SH3BP5: variants seen among roughly 807,000 people sequenced by gnomAD.
SH3BP5 encodes SH3 domain-binding protein 5.
Under a neutral mutation model 43.3 loss-of-function variants are expected in SH3BP5, and 22 were observed. The observed-to-expected ratio is 0.51, with a 90% CI of 0.36 to 0.73. The LOEUF is 0.73. Among genes scored for constraint, SH3BP5 ranks in the 30% least tolerant of loss-of-function variants. SH3BP5 has a pLI of 0.00. For synonymous variants in SH3BP5, 255 were observed against 225.8 expected (o/e 1.13, Z -1.16); for missense variants, 529 against 586.9 (o/e 0.90, Z 1.02).
At chr3:15,296,741 T>TAA (rs1410294270) in intron 3 of SH3BP5, among the ~76,000 whole-genome samples, 2 of 135,806 alleles carry the variant, frequency 1.5e-5, no homozygotes, top group Non-Finnish European at 3.0e-5. Flanking sequence ...TCACCCAGAC[T>TAA]AGAGCGCAGT....
At chr3:15,286,718 T>G (rs2125087955) in intron 3 of SH3BP5, among the ~76,000 whole-genome samples, 1 of 152,212 alleles carries the variant, frequency 6.6e-6, no homozygotes, top group African/African-American at 2.4e-5. Context: ...CATGCCCAGT[T>G]AATTTTTTGT....
upstream of SH3BP5, among the ~76,000 whole-genome samples, chr3:15,337,107 T>G (rs11711512): frequency 1.0e-4 from 15 of 149,134 alleles, no homozygotes; most frequent in South Asian, 4.3e-4. Context: ...TTTTTTTTTT[T>G]GGGACAGAGT....
intron 3 of SH3BP5, among the ~76,000 whole-genome samples, chr3:15,272,823 C>T (rs999722216): frequency 2.0e-5 from 3 of 152,158 alleles, no homozygotes; most frequent in Admixed American, 6.6e-5. Flanking sequence ...AGGGACCTGC[C>T]CCTGCTGTGG....
rs140946172 is a variant in SH3BP5, at chr3:15,269,784, G to A, written c.424C>T (p.Arg142Trp). The stretch of plus-strand genomic sequence containing the variant: ...TGCCGCTTGTCATCCTCCAGCAGCC[G>A]CTGCTCGGCCAGGGAGATGGTCTCC... ...AKETISLAEQ[R>W]LLEDDKRQFD... Residue 142 changes from arginine (R) to tryptophan (W), a missense_variant, in exon 4 of 9, where the codon CGG becomes TGG. Coordinates refer to ENST00000383791, the MANE Select transcript of SH3BP5 (RefSeq NM_004844.5). The A allele has an allele frequency of 3.7e-6, 6 of 1,611,826 alleles. No individual in the cohort carries two copies. The highest frequency in any genetic ancestry group is 2.7e-5 in the African/African-American group (2 of 74,852).
intron 3 of SH3BP5, among the ~76,000 whole-genome samples, chr3:15,278,987 T>C (rs1274334004): frequency 1.3e-5 from 2 of 152,104 alleles, no homozygotes; most frequent in Admixed American, 6.5e-5. Flanking sequence ...TTGGCCAACA[T>C]GGCGAAACCC....
chr3:15,287,168 AG>A (rs1697288651), intron 3 of SH3BP5, among the ~76,000 whole-genome samples: 1 of 152,272 alleles, frequency 6.6e-6, no homozygotes, highest in African/African-American at 2.4e-5. Flanking sequence ...TGCAGAGAAA[AG>A]GCACGCAGTA....
chr3:15,265,559 C>CACACACACACACACACACACACAA (rs1285577992), intron 4 of SH3BP5, among the ~76,000 whole-genome samples: 1 of 142,820 alleles, frequency 7.0e-6, no homozygotes, highest in South Asian at 2.3e-4. Context: ...CACACACACA[C>CACACACACACACACACACACACAA]AACCCTCCAG....
At chr3:15,288,436 G>T (rs1381818623) in intron 3 of SH3BP5, among the ~76,000 whole-genome samples, 1 of 152,224 alleles carries the variant, frequency 6.6e-6, no homozygotes, top group South Asian at 2.1e-4. Flanking sequence ...GAGGGATGGA[G>T]GTTTCAGGAG....
rs529051444 is a variant in SH3BP5, at chr3:15,268,070, A to T, written c.495+1643T>A. On this transcript the variant is annotated intron_variant, in intron 4 of 8. Transcript: ENST00000383791. Reference sequence around the variant, plus strand: ...CCTTCCATTTTTCTCGAGATGACCCAGAAAAGTTGTTTCTAGCCCACGTCT... The same window carrying T: ...CCTTCCATTTTTCTCGAGATGACCCTGAAAAGTTGTTTCTAGCCCACGTCT... Among the ~76,000 whole-genome samples the T allele has an allele frequency of 4.6e-5, 7 of 152,296 alleles. No individual in the cohort carries two copies. The South Asian group carries it at 1.5e-3, about 32-fold the overall frequency.
chr3:15,327,286 G>C (rs775553198), intron 2 of SH3BP5, among the ~76,000 whole-genome samples: 2 of 152,234 alleles, frequency 1.3e-5, no homozygotes, highest in Non-Finnish European at 1.5e-5. Flanking sequence ...TGTAATCCCA[G>C]CTACTCGGGA....
chr3:15,339,990 G>A (rs559564444), intron 1 of SH3BP5: 1 of 152,294 alleles, frequency 6.6e-6, no homozygotes, highest in Admixed American at 6.5e-5. Flanking sequence ...ATTCTAGAAT[G>A]GGATTTTAAG....
At chr3:15,286,600 T>TGCAGTG (rs1458215655) in intron 3 of SH3BP5, among the ~76,000 whole-genome samples, 6 of 152,224 alleles carry the variant, frequency 3.9e-5, no homozygotes, top group Non-Finnish European at 5.9e-5. Context: ...CAGGCTACAG[T>TGCAGTG]GCAGTGGCAG....
upstream of SH3BP5, chr3:15,332,632 C>A (rs924771079): frequency 3.4e-6 from 4 of 1,170,844 alleles, no homozygotes; most frequent in African/African-American, 4.8e-5. Flanking sequence ...GTCAGCGCAG[C>A]GCCCGCTCCG....
intron 2 of SH3BP5, among the ~76,000 whole-genome samples, chr3:15,310,949 T>C (rs1559452952): frequency 6.6e-6 from 1 of 152,154 alleles, no homozygotes. Context: ...AGGTTGAACA[T>C]GAAGCACACA....
chr3:15,296,378 A>AG (rs1374733486), intron 3 of SH3BP5, among the ~76,000 whole-genome samples: 5 of 151,222 alleles, frequency 3.3e-5, no homozygotes, highest in Non-Finnish European at 5.9e-5. Context: ...ACCCCTATCC[A>AG]GGTCAGTAAC....
At chr3:15,299,483 A>ATT (rs60281447) in intron 3 of SH3BP5, among the ~76,000 whole-genome samples, 7,296 of 92,152 alleles carry the variant, frequency 0.079, 1,447 homozygotes, top group Non-Finnish European at 0.12. Flanking sequence ...CAACAATTAG[A>ATT]TTTTTTTTTT....
At chr3:15,341,229 G>C (rs1229502466) in exon 1 of SH3BP5, 1 of 152,296 alleles carries the variant, frequency 6.6e-6, no homozygotes, top group Non-Finnish European at 1.5e-5. Flanking sequence ...TCACCCTCTG[G>C]CACCACATGG....
At chr3:15,337,373 C>T (rs1026064562), upstream of SH3BP5, among the ~76,000 whole-genome samples, 2 of 152,064 alleles carry the variant, frequency 1.3e-5, no homozygotes, top group African/African-American at 4.8e-5. Context: ...CCGTGCCCGG[C>T]CAAGAGTTTT....
intron 3 of SH3BP5, among the ~76,000 whole-genome samples, chr3:15,283,778 C>T (rs1275349249): frequency 1.3e-5 from 2 of 152,178 alleles, no homozygotes; most frequent in Non-Finnish European, 2.9e-5. Flanking sequence ...ACTGCAGGCA[C>T]CTGGATAAGC....
Sources: gnomAD v4.1 joint callset for allele counts (sites outside exome capture counted in the v4.1 genomes callset) on GRCh38, gnomAD v4.1.1 for gene constraint, MANE v1.5 for transcripts, NCBI Gene and HGNC (gene_info 2026-07-23, HGNC 2026-07-21) for gene names.